Variants in TNIK observed in about 807,000 individuals in gnomAD.
The protein encoded by TNIK is TRAF2 and NCK-interacting protein kinase.
A neutral mutation model predicts 191.3 loss-of-function variants in TNIK; 49 were observed. The observed-to-expected ratio is 0.26, with a 90% CI of 0.20 to 0.32. The LOEUF (loss-of-function observed/expected upper bound fraction) is 0.32. Ranked by LOEUF, TNIK falls within the 10% of genes least tolerant of loss-of-function variation. The pLI is 1.00. For missense variants in TNIK, 1,155 were observed against 1,702.3 expected (o/e 0.68, Z 5.66); for synonymous variants, 594 against 600.9 (o/e 0.99, Z 0.17).
chr3:171,269,239 T>C (rs1748792387), intron 2 of TNIK, among the ~76,000 whole-genome samples: 1 of 130,144 alleles, frequency 7.7e-6, no homozygotes, highest in African/African-American at 2.9e-5. Context: ...AATGCAGGCA[T>C]GCATATTAAA....
chr3:171,416,666 C>T (rs553954497), intron 1 of TNIK, among the ~76,000 whole-genome samples: 14 of 152,216 alleles, frequency 9.2e-5, no homozygotes, highest in Middle Eastern at 3.2e-3. Context: ...TCTCCAATCA[C>T]ATACATCTCA....
chr3:171,140,922 T>C (rs1730733361), intron 12 of TNIK, among the ~76,000 whole-genome samples: 1 of 152,212 alleles, frequency 6.6e-6, no homozygotes, highest in Admixed American at 6.5e-5. Context: ...AAAAATTTCA[T>C]AGATATGTAA....
At chr3:171,373,231 G>A (rs557993450) in intron 1 of TNIK, among the ~76,000 whole-genome samples, 28 of 152,254 alleles carry the variant, frequency 1.8e-4, no homozygotes, top group Non-Finnish European at 3.4e-4. Flanking sequence ...TTGCTTCTCA[G>A]TCCTGTCCTA....
intron 1 of TNIK, among the ~76,000 whole-genome samples, chr3:171,410,778 C>CAA (rs55965220): frequency 0.011 from 797 of 73,822 alleles, 32 homozygotes; most frequent in African/African-American, 0.038. Flanking sequence ...GACTCCATCT[C>CAA]AAAAAAAAAA....
intron 4 of TNIK, among the ~76,000 whole-genome samples, chr3:171,205,714 C>T (rs1739979469): frequency 6.6e-6 from 1 of 152,178 alleles, no homozygotes; most frequent in Admixed American, 6.5e-5. Flanking sequence ...TCCCATCCCC[C>T]TCACTCCATG....
chr3:171,115,594 C>T (rs1451206815), intron 18 of TNIK, among the ~76,000 whole-genome samples: 1 of 152,176 alleles, frequency 6.6e-6, no homozygotes, highest in East Asian at 1.9e-4. Context: ...ACAGTCGGAG[C>T]AGACATAGGG....
chr3:171,338,874 A>G (rs891072434), intron 2 of TNIK, among the ~76,000 whole-genome samples: 4 of 152,120 alleles, frequency 2.6e-5, no homozygotes, highest in Admixed American at 1.3e-4. Context: ...TATTAGCCCA[A>G]TTTACAGGTG....
intron 11 of TNIK, 63 bp from the exon 12 acceptor site, chr3:171,157,727 C>G: frequency 3.2e-5 from 48 of 1,507,636 alleles, no homozygotes; most frequent in Non-Finnish European, 4.3e-5. Flanking sequence ...ACCAAGAGGC[C>G]TTGGAGGAGG....
intron 10 of TNIK, among the ~76,000 whole-genome samples, chr3:171,166,062 C>T (rs571063430): frequency 6.6e-6 from 1 of 152,296 alleles, no homozygotes; most frequent in South Asian, 2.1e-4. Context: ...GCCAGAGAGG[C>T]ACAGGGTAGG....
intron 9 of TNIK, among the ~76,000 whole-genome samples, chr3:171,173,645 A>T (rs1735612412): frequency 1.3e-5 from 2 of 152,160 alleles, no homozygotes; most frequent in Non-Finnish European, 2.9e-5. Flanking sequence ...TATTTTTAAA[A>T]CAGGGTATAT....
At chr3:171,302,700 T>G (rs1301339567) in intron 2 of TNIK, among the ~76,000 whole-genome samples, 4 of 152,226 alleles carry the variant, frequency 2.6e-5, no homozygotes, top group Non-Finnish European at 5.9e-5. Context: ...CATTAATTCT[T>G]TGTAAATAAT....
intron 2 of TNIK, among the ~76,000 whole-genome samples, chr3:171,283,415 G>A (rs1194779315): frequency 6.6e-6 from 1 of 152,134 alleles, no homozygotes; most frequent in East Asian, 1.9e-4. Flanking sequence ...ACTAAAGGAA[G>A]GGGATCGCCA....
intron 2 of TNIK, among the ~76,000 whole-genome samples, chr3:171,248,586 A>C (rs976113407): frequency 6.6e-6 from 1 of 152,220 alleles, no homozygotes; most frequent in Non-Finnish European, 1.5e-5. Context: ...TCAACATCAA[A>C]GAACAGGTGT....
chr3:171,220,692 C>T (rs1742194943), intron 3 of TNIK, among the ~76,000 whole-genome samples: 1 of 152,158 alleles, frequency 6.6e-6, no homozygotes, highest in Non-Finnish European at 1.5e-5. Context: ...TTGTCATCTA[C>T]AGGCATCTCC....
In TNIK at chr3:171,157,646, T is replaced by C; in HGVS notation, c.1035A>G (p.Pro345=). The change falls in exon 12 of 33, where the codon CCA becomes CCG. Residue 345 remains proline, a synonymous_variant. Transcript: ENST00000436636. ...AGTCCCTCCGCAGCGTCGACTCCCC[T>C]GGCAGATTCAGGATGGAGCTGTGGG... is the stretch of plus-strand genomic sequence containing the variant. The part of the protein sequence containing the change: ...SGEPSSILNL[P]GESTLRRDFL... 3 of 1,554,878 alleles carry C rather than the reference T, an allele frequency of 1.9e-6. No homozygotes were observed. The highest frequency in any genetic ancestry group is 2.6e-6 in the Non-Finnish European group (3 of 1,149,072).
chr3:171,150,061 C>T (rs1401653696), intron 12 of TNIK, among the ~76,000 whole-genome samples: 5 of 150,110 alleles, frequency 3.3e-5, no homozygotes, highest in African/African-American at 1.2e-4. Flanking sequence ...AAATGCTGCA[C>T]TGGTAAAAAA....
chr3:171,415,429 A>G (rs1322749257), intron 1 of TNIK, among the ~76,000 whole-genome samples: 3 of 152,218 alleles, frequency 2.0e-5, no homozygotes, highest in African/African-American at 7.2e-5. Flanking sequence ...GAAGCTCCCA[A>G]TAAGTACCTA....
intron 2 of TNIK, among the ~76,000 whole-genome samples, chr3:171,313,354 C>G (rs748519474): frequency 6.6e-6 from 1 of 151,870 alleles, no homozygotes; most frequent in Non-Finnish European, 1.5e-5. Flanking sequence ...CAACTTCAAC[C>G]TGTTCATGTT....
intron 18 of TNIK, among the ~76,000 whole-genome samples, 178 bp from the exon 19 acceptor site, chr3:171,111,055 G>T (rs1725777444): frequency 6.6e-6 from 1 of 152,174 alleles, no homozygotes. Flanking sequence ...TTTCTTAAAA[G>T]GAGACATGCA....
Sources: gnomAD v4.1 joint callset for allele counts (sites outside exome capture counted in the v4.1 genomes callset) on GRCh38, gnomAD v4.1.1 for gene constraint, MANE v1.5 for transcripts, NCBI Gene and HGNC (gene_info 2026-07-23, HGNC 2026-07-21) for gene names.